The following EML2 variants were observed in gnomAD, a reference collection of about 807,000 sequenced individuals.
EML2 encodes the protein echinoderm microtubule-associated protein-like 2.
A neutral mutation model predicts 84.7 loss-of-function variants in EML2; 59 were observed. The ratio of observed to expected loss-of-function variants is 0.70; its 90% CI spans 0.56 to 0.86. The LOEUF (loss-of-function observed/expected upper bound fraction) is 0.86. EML2 is among the 40% of genes least tolerant of loss of function. The pLI, the probability that EML2 is intolerant of heterozygous loss-of-function variation, is 0.00. For missense variants in EML2, 818 were observed against 855.6 expected, an observed-to-expected ratio of 0.96 and a Z score of 0.55; for synonymous variants, 352 against 348.9, an observed-to-expected ratio of 1.01 and a Z score of -0.10.
At chr19:45,612,720 A>G (rs1003925726) in intron 18 of EML2, among the ~76,000 whole-genome samples, 1 of 152,094 alleles carries the variant, frequency 6.6e-6, no homozygotes, top group Admixed American at 6.6e-5. Context: ...AGAAAGAAGA[A>G]ACAAATGAAA....
At chr19:45,637,746 G>C (rs1431730290) in intron 3 of EML2, among the ~76,000 whole-genome samples, 1 of 142,362 alleles carries the variant, frequency 7.0e-6, no homozygotes, top group African/African-American at 2.6e-5. Context: ...GGGCAATCTC[G>C]GCTCACTGCA....
upstream of EML2, chr19:45,645,592 C>G (rs1974978773): frequency 2.8e-6 from 2 of 719,514 alleles, no homozygotes; most frequent in South Asian, 2.0e-5. Context: ...GCCCGGATCC[C>G]CCTAGGTACC....
In EML2 at chr19:45,631,884, A is replaced by ATTTTT. The variant is rs755529171; in HGVS notation, c.510+972_510+976dup. On this transcript the variant is annotated intron_variant, in intron 6 of 18. Transcript: ENST00000245925. ...ACACTAGTACACCCAGCTAATTAGAATTTTTTTTTTTTTTTTTTTTTTTTT... is the reference window on the plus strand; with the variant it reads ...ACACTAGTACACCCAGCTAATTAGAATTTTTTTTTTTTTTTTTTTTTTTTTTTTTT... Among the ~76,000 whole-genome samples the ATTTTT allele has an allele frequency of 8.2e-3, 737 of 90,302 alleles. 57 individuals are homozygous for ATTTTT. Among genetic ancestry groups the ATTTTT allele is most frequent in the Middle Eastern group, 0.017 (2 of 116 alleles). The allele number at this position is 90,302 out of a possible 152,430, so 59.2% of individuals were successfully genotyped here.
At chr19:45,630,551 CAA>C (rs764565313) in intron 6 of EML2, among the ~76,000 whole-genome samples, 13 of 106,128 alleles carry the variant, frequency 1.2e-4, no homozygotes, top group Non-Finnish European at 1.2e-4. Context: ...GACTCTGTCT[CAA>C]AAAAAAAAAA....
rs757138580 is a variant in EML2, at chr19:45,638,622, A to T, written c.62T>A (p.Val21Glu). The T allele has an allele frequency of 8.7e-6, 14 of 1,613,864 alleles. No individual in the cohort carries two copies. The highest frequency in any genetic ancestry group is 1.1e-5 in the Non-Finnish European group (13 of 1,179,966). ...EVIFSVEDGS[V>E]KMFLRGRPVP... ...AGGGCGGCCCCTCAGGAACATTTTC[A>T]CGGAGCCATCCTCTGCCAGGACACC... Residue 21 changes from valine (V) to glutamate (E), a missense_variant, in exon 3 of 19, where the codon GTG becomes GAG. By Grantham distance (121) the Val-to-Glu change is moderately radical. Coordinates refer to ENST00000245925, the MANE Select transcript of EML2 (RefSeq NM_012155.4).
intron 18 of EML2, among the ~76,000 whole-genome samples, chr19:45,613,048 C>CA (rs1355110649): frequency 1.3e-5 from 2 of 152,114 alleles, no homozygotes; most frequent in Non-Finnish European, 2.9e-5. Context: ...CAGGCATGCA[C>CA]AACCATGCCC....
chr19:45,644,571 C>T, upstream of EML2: 1 of 411,274 alleles, frequency 2.4e-6, no homozygotes, highest in Admixed American at 2.5e-5. Context: ...AACCCCCACA[C>T]CTCCACCATC....
At position 45,629,232 on chromosome 19, in the gene EML2, C is replaced by T. The variant is rs534187704; in HGVS notation, c.606+719G>A. On this transcript the variant is annotated intron_variant, in intron 7 of 18. Coordinates refer to ENST00000245925, the MANE Select transcript of EML2 (RefSeq NM_012155.4). ...GCAGCCTCAACCTACCAGGTTCAAG[C>T]GATCCTCCTACCTTAGCCTCCGAAG... Among the ~76,000 whole-genome samples, 30 of 151,940 alleles carry T rather than the reference C, an allele frequency of 2.0e-4. No homozygotes were observed. The East Asian group carries it at 2.9e-3, about 15-fold the overall frequency.
upstream of EML2, chr19:45,639,484 A>C (rs1328209930): frequency 1.6e-5 from 18 of 1,145,990 alleles, no homozygotes; most frequent in Admixed American, 7.7e-4. Context: ...CGCCCTCCAC[A>C]GCCACCCCTG....
intron 3 of EML2, among the ~76,000 whole-genome samples, chr19:45,635,563 A>G (rs1026311646): frequency 2.0e-5 from 3 of 151,378 alleles, no homozygotes; most frequent in Admixed American, 1.3e-4. Context: ...CCACTCCAAA[A>G]AAAAATGAAT....
chr19:45,627,649 T>C (rs1972531135), intron 7 of EML2, among the ~76,000 whole-genome samples: 1 of 152,214 alleles, frequency 6.6e-6, no homozygotes, highest in South Asian at 2.1e-4. Flanking sequence ...CAGCAGACAC[T>C]TGGAGCTCCT....
intron 16 of EML2, 35 bp from the exon 17 acceptor site, chr19:45,614,735 G>A: frequency 6.5e-7 from 1 of 1,543,638 alleles, no homozygotes; most frequent in Non-Finnish European, 9.0e-7. Flanking sequence ...ATTCAGAGTT[G>A]GAAGAACTAC....
Position 45,630,035 on chromosome 19 carries a change from G to A in EML2, c.522C>T (p.Asn174=), listed in dbSNP as rs774964736. Residue 174 remains asparagine, a synonymous_variant, in exon 7 of 19, where the codon AAC becomes AAT. Transcript: ENST00000245925. ...TGGATTCATCCACTGCACACAGCAGGTTGCCTCCATTCTAAAGAGGAGGAG... is the reference window on the plus strand; with the variant it reads ...TGGATTCATCCACTGCACACAGCAGATTGCCTCCATTCTAAAGAGGAGGAG... The part of the protein sequence containing the change: ...CVGFSKSNGG[N]LLCAVDESND... The A allele has an allele frequency of 6.2e-7, 1 of 1,612,302 alleles. No individual in the cohort carries two copies. The highest frequency in any genetic ancestry group is 1.3e-5 in the African/African-American group (1 of 74,722).
intron 3 of EML2, among the ~76,000 whole-genome samples, 176 bp from the exon 4 acceptor site, chr19:45,634,647 C>T (rs994085640): frequency 1.3e-5 from 2 of 151,940 alleles, no homozygotes; most frequent in African/African-American, 2.4e-5. Context: ...CTGCAAGCTC[C>T]GCCTCCTGGG....
chr19:45,619,349 T>C (rs80080186), intron 11 of EML2, 158 bp from the exon 12 acceptor site: 95 of 922,806 alleles, frequency 1.0e-4, no homozygotes, highest in Admixed American at 9.7e-4. Flanking sequence ...GGGGCCTCAA[T>C]TGGGCATCTG....
rs769833074 is a variant in EML2 at position 45,609,775 on chromosome 19, T to C, written c.1838A>G (p.Lys613Arg). Reference protein sequence around the residue: ...PCCQPRALSHKYGGHSSHVTN... With the variant: ...PCCQPRALSHRYGGHSSHVTN... ...CACATGGCTGCTGTGTCCACCGTACTTGTGGCTGAGGGCCTGTTACAAGGA... is the reference window on the plus strand; with the variant it reads ...CACATGGCTGCTGTGTCCACCGTACCTGTGGCTGAGGGCCTGTTACAAGGA... The change falls in exon 19 of 19, where the codon AAG (lysine) becomes AGG (arginine). Residue 613 changes from lysine to arginine, a missense_variant. Coordinates refer to ENST00000245925, the MANE Select transcript of EML2 (RefSeq NM_012155.4). 3.1e-6 allele frequency: 5 copies of C among 1,612,304 alleles called. No homozygotes were observed. The highest frequency in any genetic ancestry group is 4.2e-6 in the Non-Finnish European group (5 of 1,179,356).
chr19:45,637,677 T>C (rs1369471712), intron 3 of EML2, among the ~76,000 whole-genome samples: 3 of 118,926 alleles, frequency 2.5e-5, no homozygotes, highest in South Asian at 2.7e-4. Context: ...CTTTTTTTTT[T>C]TTTTTTTTTT....
intron 6 of EML2, among the ~76,000 whole-genome samples, chr19:45,632,192 CTTTTTTTTTTTT>C (rs59501832): frequency 7.5e-6 from 1 of 132,740 alleles, no homozygotes; most frequent in East Asian, 2.2e-4. Flanking sequence ...TGCACCTGGC[CTTTTTTTTTTTT>C]TGAGTACGAG....
At chr19:45,633,457 G>GTTT (rs34593917) in intron 4 of EML2, among the ~76,000 whole-genome samples, 6 of 145,954 alleles carry the variant, frequency 4.1e-5, no homozygotes, top group Non-Finnish European at 6.0e-5. Context: ...TGCCTATTCA[G>GTTT]TTTTTTTTTT....
Sources: allele counts gnomAD v4.1 joint callset (sites outside exome capture counted in the v4.1 genomes callset), GRCh38; gene constraint gnomAD v4.1.1; transcripts MANE v1.5; gene names NCBI Gene and HGNC (gene_info 2026-07-23, HGNC 2026-07-21).